The following KCNIP4 variants were observed in gnomAD, a reference collection of about 807,000 sequenced individuals.
KCNIP4 encodes potassium voltage-gated channel interacting protein 4, also known as Kv channel-interacting protein 4.
A neutral mutation model predicts 34.0 loss-of-function variants in KCNIP4; 12 were observed. That is an observed-to-expected ratio of 0.35 (90% CI 0.23 to 0.57). KCNIP4 has a LOEUF of 0.57. Among genes scored for constraint, KCNIP4 ranks in the 20% least tolerant of loss-of-function variants. The pLI, the probability that KCNIP4 is intolerant of heterozygous loss-of-function variation, is 0.83. For synonymous variants in KCNIP4, 124 were observed against 102.2 expected (o/e 1.21, Z -1.29); for missense variants, 238 against 311.7 (o/e 0.76, Z 1.78).
At chr4:21,006,294 A>G (rs999580034) in intron 1 of KCNIP4, among the ~76,000 whole-genome samples, 15 of 152,228 alleles carry the variant, frequency 9.9e-5, no homozygotes, top group Non-Finnish European at 2.2e-4. Flanking sequence ...TACAAAGGAA[A>G]TAAAACAGGG....
chr4:21,019,122 CTGTG>C (rs1354221381), intron 1 of KCNIP4, among the ~76,000 whole-genome samples: 2 of 152,098 alleles, frequency 1.3e-5, no homozygotes, highest in African/African-American at 4.8e-5. Context: ...TGTCTTCCCT[CTGTG>C]TGTATCTCTG....
chr4:21,077,328 T>C (rs975360964), intron 1 of KCNIP4, among the ~76,000 whole-genome samples: 18 of 152,060 alleles, frequency 1.2e-4, no homozygotes, highest in Non-Finnish European at 2.2e-4. Flanking sequence ...AAAGTAAAAG[T>C]TAAAATATTT....
Position 20,734,689 on chromosome 4 carries a change from T to C in KCNIP4, c.476A>G (p.Glu159Gly), listed in dbSNP as rs1453021135. 1 of 1,603,352 alleles carries C rather than the reference T, an allele frequency of 6.2e-7. No homozygotes were observed. The highest frequency in any genetic ancestry group is 8.5e-7 in the Non-Finnish European group (1 of 1,175,046). ...CAGATTAAATGCCCAATTGAGTTTTTCTTGTACTGTCCCCCGGAGCAAAAT... is the reference window on the plus strand; with the variant it reads ...CAGATTAAATGCCCAATTGAGTTTTCCTTGTACTGTCCCCCGGAGCAAAAT... ...LSILLRGTVQ[E>G]KLNWAFNLYD... The change falls in exon 6 of 9, where the codon GAA becomes GGA. Residue 159 changes from glutamate (E) to glycine (G), a missense_variant. Coordinates refer to ENST00000382152, the MANE Select transcript of KCNIP4 (RefSeq NM_025221.6).
intron 1 of KCNIP4, among the ~76,000 whole-genome samples, chr4:21,789,029 T>C (rs59297473): frequency 0.12 from 16,663 of 138,444 alleles, 2,869 homozygotes; most frequent in African/African-American, 0.38. Context: ...GCTGAGATTG[T>C]GCCACTGCAC....
At chr4:21,455,840 T>TAACTAATTTTTTACAGAATG (rs1728912450) in intron 1 of KCNIP4, among the ~76,000 whole-genome samples, 1 of 125,336 alleles carries the variant, frequency 8.0e-6, no homozygotes, top group African/African-American at 3.6e-5. Context: ...TATATATATA[T>TAACTAATTTTTTACAGAATG]ATATATATAT....
intron 1 of KCNIP4, among the ~76,000 whole-genome samples, chr4:21,444,268 C>T (rs1727762878): frequency 6.6e-6 from 1 of 152,186 alleles, no homozygotes; most frequent in Non-Finnish European, 1.5e-5. Context: ...CTCCCTAACT[C>T]ATTTTATGAG....
chr4:21,304,375 G>A (rs933729479), intron 1 of KCNIP4, among the ~76,000 whole-genome samples: 1 of 152,180 alleles, frequency 6.6e-6, no homozygotes, highest in African/African-American at 2.4e-5. Context: ...GAGGAAACAT[G>A]AGGCCCGGCG....
intron 1 of KCNIP4, among the ~76,000 whole-genome samples, chr4:21,100,303 C>A (rs542101935): frequency 1.4e-4 from 22 of 152,254 alleles, no homozygotes; most frequent in African/African-American, 4.3e-4. Flanking sequence ...ATAATCCCAG[C>A]ACTTTGGGAG....
chr4:21,362,905 A>G (rs1560329638), intron 1 of KCNIP4, among the ~76,000 whole-genome samples: 1 of 152,142 alleles, frequency 6.6e-6, no homozygotes, highest in Non-Finnish European at 1.5e-5. Context: ...TGGAGTGATA[A>G]GAAAAAATTG....
At chr4:21,920,536 A>G (rs1728882841) in intron 1 of KCNIP4, among the ~76,000 whole-genome samples, 1 of 152,116 alleles carries the variant, frequency 6.6e-6, no homozygotes, top group African/African-American at 2.4e-5. Flanking sequence ...TCTGGTGAAG[A>G]GCACACTGAA....
intron 1 of KCNIP4, among the ~76,000 whole-genome samples, chr4:21,945,405 A>G (rs75455365): frequency 6.6e-6 from 1 of 152,202 alleles, no homozygotes; most frequent in Non-Finnish European, 1.5e-5. Context: ...TAAAATAATG[A>G]TTGTATGATG....
intron 1 of KCNIP4, among the ~76,000 whole-genome samples, chr4:21,741,744 G>A (rs1716416352): frequency 6.6e-6 from 1 of 152,030 alleles, no homozygotes; most frequent in African/African-American, 2.4e-5. Context: ...CAATGTAACT[G>A]AAAAATACAC....
chr4:21,222,998 T>G (rs1431340710), intron 1 of KCNIP4, among the ~76,000 whole-genome samples: 1 of 152,236 alleles, frequency 6.6e-6, no homozygotes, highest in Admixed American at 6.5e-5. Context: ...GGCAGAATAC[T>G]GGCCTCCCAA....
intron 1 of KCNIP4, among the ~76,000 whole-genome samples, chr4:21,645,134 TTAAAA>T (rs1387570786): frequency 2.0e-5 from 3 of 152,168 alleles, no homozygotes; most frequent in Non-Finnish European, 4.4e-5. Context: ...TGATTTTTAC[TTAAAA>T]TAAAATTCAT....
chr4:21,222,598 AT>A (rs368406631), intron 1 of KCNIP4, among the ~76,000 whole-genome samples: 1 of 152,072 alleles, frequency 6.6e-6, no homozygotes, highest in African/African-American at 2.4e-5. Flanking sequence ...ATGTTTTTAA[AT>A]TTTTTTCTTT....
intron 1 of KCNIP4, among the ~76,000 whole-genome samples, chr4:21,282,331 T>A (rs565725632): frequency 6.6e-6 from 1 of 152,310 alleles, no homozygotes; most frequent in Admixed American, 6.5e-5. Flanking sequence ...CATAAAGAGA[T>A]AACTACAAAT....
chr4:21,197,325 C>A (rs966123217), intron 1 of KCNIP4, among the ~76,000 whole-genome samples: 1 of 152,154 alleles, frequency 6.6e-6, no homozygotes, highest in Admixed American at 6.5e-5. Context: ...CTTTAGTAGA[C>A]ATCAGTAGTG....
intron 1 of KCNIP4, among the ~76,000 whole-genome samples, chr4:21,492,054 G>A (rs1495515): frequency 6.6e-6 from 1 of 152,100 alleles, no homozygotes; most frequent in African/African-American, 2.4e-5. Flanking sequence ...TAATTGTGAT[G>A]TTAAACGTGA....
At chr4:21,396,431 C>T (rs536865239) in intron 1 of KCNIP4, among the ~76,000 whole-genome samples, 8 of 151,382 alleles carry the variant, frequency 5.3e-5, no homozygotes, top group African/African-American at 1.5e-4. Flanking sequence ...TGGCAGATGC[C>T]TGTAGTCCCA....
Sources: gnomAD v4.1 joint callset for allele counts (sites outside exome capture counted in the v4.1 genomes callset) on GRCh38, gnomAD v4.1.1 for gene constraint, MANE v1.5 for transcripts, NCBI Gene and HGNC (gene_info 2026-07-23, HGNC 2026-07-21) for gene names.